The following TEX14 variants were observed in gnomAD, a reference collection of about 807,000 sequenced individuals.
TEX14 encodes the protein testis expressed 14, intercellular bridge forming factor, also known as inactive serine/threonine-protein kinase TEX14.
In TEX14, 168 loss-of-function variants were observed where a neutral mutation model predicts 178.6. The observed-to-expected ratio is 0.94, with a 90% CI of 0.83 to 1.07. TEX14 has a LOEUF of 1.07. Among genes scored for constraint, TEX14 ranks in the 50% least tolerant of loss-of-function variants. TEX14 has a pLI of 0.00. For missense variants in TEX14, 1,730 were observed against 1,753.6 expected, an observed-to-expected ratio of 0.99 and a Z score of 0.24; for synonymous variants, 626 against 634.1, an observed-to-expected ratio of 0.99 and a Z score of 0.19.
At chr17:58,617,473 G>A (rs1170073310) in intron 6 of TEX14, 65 bp downstream of exon 6, 1 of 1,224,322 alleles carries the variant, frequency 8.2e-7, no homozygotes, top group African/African-American at 1.5e-5. Flanking sequence ...ACAAAGGTGG[G>A]AGATGGGGCC....
chr17:58,629,927 T>C lies in TEX14; in HGVS notation c.251+513A>G, dbSNP rs1215592557. Among the ~76,000 whole-genome samples the C allele has an allele frequency of 2.7e-5, 4 of 150,928 alleles. No homozygotes were observed. The East Asian group carries it at 5.8e-4, about 22-fold the overall frequency. On this transcript the variant is annotated intron_variant, in intron 3 of 31. Transcript: ENST00000349033. ...GTGTTTTTTTTTTTTCCTTTTTTTT[T>C]TTTTTTGACGGAGTTTTGCTCTTCC...
At chr17:58,675,315 T>A (rs2047378212) in intron 1 of TEX14, 1 of 153,230 alleles carries the variant, frequency 6.5e-6, no homozygotes, top group African/African-American at 2.4e-5. Flanking sequence ...ACTAGTTGAT[T>A]TTCCCGAAAA....
rs1232491219 is a variant in TEX14, at chr17:58,644,775, T to C, written c.136+7091A>G. On this transcript the variant is annotated intron_variant, in intron 2 of 31. Coordinates refer to ENST00000349033, the MANE Select transcript of TEX14 (RefSeq NM_031272.5). The stretch of plus-strand genomic sequence containing the variant: ...CTCCTGCCTCAGCCTCCCAAGTAGT[T>C]GGGATTATGGGATTATAGGCGCCCG... Among the ~76,000 whole-genome samples the C allele has an allele frequency of 2.0e-5, 3 of 147,424 alleles. No individual in the cohort carries two copies. In the Admixed American group the frequency reaches 2.1e-4, roughly 10 times the overall value.
At chr17:58,648,786 C>CTTT (rs34918333) in intron 2 of TEX14, among the ~76,000 whole-genome samples, 32 of 89,708 alleles carry the variant, frequency 3.6e-4, no homozygotes, top group African/African-American at 3.8e-4. Flanking sequence ...CTTTTTTTTT[C>CTTT]TTTTTTTTTT....
chr17:58,571,824 T>G, intron 24 of TEX14, 97 bp downstream of exon 24: 2 of 1,075,480 alleles, frequency 1.9e-6, no homozygotes, highest in Non-Finnish European at 2.8e-6. Context: ...GCTTATTTCT[T>G]GCTTTCTTAA....
At chr17:58,667,176 G>A (rs1003782548) in intron 1 of TEX14, among the ~76,000 whole-genome samples, 1 of 152,070 alleles carries the variant, frequency 6.6e-6, no homozygotes, top group Non-Finnish European at 1.5e-5. Context: ...GAACCACCCC[G>A]GCATCATTTC....
chr17:58,593,699 G>C (rs775713217), intron 14 of TEX14, 38 bp from the exon 15 acceptor site: 3 of 1,513,392 alleles, frequency 2.0e-6, no homozygotes, highest in Non-Finnish European at 1.8e-6. Flanking sequence ...GCTTTGATGA[G>C]AGAATTCCCA....
chr17:58,679,512 T>C (rs1256553473), intron 1 of TEX14: 2 of 152,158 alleles, frequency 1.3e-5, no homozygotes, highest in East Asian at 1.9e-4. Context: ...ACGCCTTTTA[T>C]AAACAAGCCA....
intron 10 of TEX14, among the ~76,000 whole-genome samples, chr17:58,609,429 G>C (rs867209158): frequency 1.3e-5 from 2 of 152,166 alleles, no homozygotes; most frequent in Non-Finnish European, 1.5e-5. Flanking sequence ...TTTTAGTAGA[G>C]ATGGGGTTTC....
chr17:58,647,696 T>C (rs2046745194), intron 2 of TEX14, among the ~76,000 whole-genome samples: 2 of 151,992 alleles, frequency 1.3e-5, no homozygotes, highest in South Asian at 4.2e-4. Context: ...TTTCTTTCTT[T>C]TTGTTTTTTG....
chr17:58,627,685 G>A (rs1292570393), intron 3 of TEX14, among the ~76,000 whole-genome samples: 1 of 149,440 alleles, frequency 6.7e-6, no homozygotes, highest in Non-Finnish European at 1.5e-5. Context: ...CAGGAGAATC[G>A]CTTGCACCTG....
rs1469345779 is a variant in TEX14 at position 58,598,881 on chromosome 17, T to C, written c.2464A>G (p.Arg822Gly). Residue 822 changes from arginine to glycine, a missense_variant, in exon 14 of 32, where the codon AGA becomes GGA. Arg to Gly is a moderately radical substitution (Grantham distance 125, BLOSUM62 -2). Coordinates refer to ENST00000349033, the MANE Select transcript of TEX14 (RefSeq NM_031272.5). ...CCCCCTTGAAAGTCTCTTACCATTCTTGGAAATCTTGGTAGGGTTGGGTAG... is the reference window on the plus strand; with the variant it reads ...CCCCCTTGAAAGTCTCTTACCATTCCTGGAAATCTTGGTAGGGTTGGGTAG... The part of the protein sequence containing the change: ...GNYPTLPRFP[R>G]MLPTLCDPGK... 1 of 1,594,042 alleles carries C rather than the reference T, an allele frequency of 6.3e-7. No individual in the cohort carries two copies. The highest frequency in any genetic ancestry group is 1.8e-5 in the Admixed American group (1 of 55,774).
chr17:58,585,943 TG>T lies in TEX14; in HGVS notation c.2927del (p.Pro976GlnfsTer77). 2 of 1,614,108 alleles carry T rather than the reference TG, an allele frequency of 1.2e-6. No homozygotes were observed. Among genetic ancestry groups the T allele is most frequent in the Non-Finnish European group, 1.7e-6 (2 of 1,180,018 alleles). ...DALLQPPIRSPENTDWQRVIE... is the reference protein window; with the variant it reads ...DALLQPPIRSXENTDWQRVIE... ...TAACTCGCTGCCAATCCGTGTTTTC[TG>T]GGCTCCTAATGGGGGGCTGCAGCAG... On this transcript the variant is annotated frameshift_variant, in exon 18 of 32. Transcript: ENST00000349033. LOFTEE classifies it high-confidence loss of function.
At chr17:58,624,178 G>A (rs149218522) in intron 3 of TEX14, among the ~76,000 whole-genome samples, 2,926 of 151,878 alleles carry the variant, frequency 0.019, 32 homozygotes, top group Non-Finnish European at 0.028. Context: ...CCAGCTACTC[G>A]GGAGGCTGAG....
At chr17:58,617,675 T>A in intron 5 of TEX14, 56 bp from the exon 6 acceptor site, 1 of 1,291,378 alleles carries the variant, frequency 7.7e-7, no homozygotes, top group Non-Finnish European at 1.1e-6. Context: ...ATATCCAGAA[T>A]AATAATGCTG....
chr17:58,666,411 C>T (rs964283293), intron 1 of TEX14: 3 of 138,544 alleles, frequency 2.2e-5, no homozygotes, highest in African/African-American at 8.1e-5. Flanking sequence ...ATTCGGATGC[C>T]ACTGCACTCC....
intron 1 of TEX14, among the ~76,000 whole-genome samples, chr17:58,689,454 C>A (rs1468373822): frequency 6.6e-6 from 1 of 151,966 alleles, no homozygotes; most frequent in Non-Finnish European, 1.5e-5. Flanking sequence ...CTCTTGACCT[C>A]ATGATCCACC....
intron 16 of TEX14, 29 bp downstream of exon 16, chr17:58,587,867 A>ACAC: frequency 1.3e-6 from 1 of 775,830 alleles, no homozygotes; most frequent in African/African-American, 2.2e-5. Flanking sequence ...CCGCTCCACC[A>ACAC]CCAGTTTCCA....
In TEX14 at chr17:58,604,882, T is replaced by C. The variant is rs548813865; in HGVS notation, c.1336+96A>G. On this transcript the variant is annotated intron_variant, in intron 11 of 31. Coordinates refer to ENST00000349033, the MANE Select transcript of TEX14 (RefSeq NM_031272.5). The stretch of plus-strand genomic sequence containing the variant: ...AGCCAAGAAGTCTCTTTTTAATAAG[T>C]CTTCTATTTTCATAAAAGTCAGTAA... 69 of 1,364,034 alleles carry C rather than the reference T, an allele frequency of 5.1e-5. No homozygotes were observed. In the African/African-American group the frequency reaches 8.9e-4, roughly 18 times the overall value. 84.5% of individuals were successfully genotyped at this position (1,364,034 alleles called of 1,614,324 possible). A position where few individuals can be genotyped will look rare whatever the true frequency, so the allele number is the denominator to read the frequency against.
Sources: allele counts gnomAD v4.1 joint callset (sites outside exome capture counted in the v4.1 genomes callset), GRCh38; gene constraint gnomAD v4.1.1; transcripts MANE v1.5; gene names NCBI Gene and HGNC (gene_info 2026-07-23, HGNC 2026-07-21).